Variants in IGF1R observed in about 807,000 individuals in gnomAD.
IGF1R encodes insulin-like growth factor 1 receptor.
IGF1R carries 44 observed loss-of-function variants against 144.6 expected under a neutral mutation model. The ratio of observed to expected loss-of-function variants is 0.30; its 90% CI spans 0.24 to 0.39. The LOEUF (loss-of-function observed/expected upper bound fraction) is 0.39, where lower values mean the gene tolerates loss of function less well. Ranked by LOEUF, IGF1R falls within the 10% of genes least tolerant of loss-of-function variation. The pLI is 1.00. For synonymous variants in IGF1R, 795 were observed against 722.8 expected (o/e 1.10, Z -1.60); for missense variants, 1,355 against 1,833.7 (o/e 0.74, Z 4.77).
chr15:98,692,886 C>G (rs1382638796), intron 1 of IGF1R, among the ~76,000 whole-genome samples: 1 of 152,108 alleles, frequency 6.6e-6, no homozygotes, highest in Non-Finnish European at 1.5e-5. Context: ...TAGTAGGGGC[C>G]TCAGGGTGGG....
intron 11 of IGF1R, 96 bp from the exon 12 acceptor site, chr15:98,923,780 C>A: frequency 1.0e-6 from 1 of 973,248 alleles, no homozygotes. Flanking sequence ...ACTGTCCTGC[C>A]CGTGTGGATG....
intron 2 of IGF1R, among the ~76,000 whole-genome samples, chr15:98,760,681 C>G (rs940838761): frequency 6.6e-6 from 1 of 152,220 alleles, no homozygotes; most frequent in Non-Finnish European, 1.5e-5. Context: ...GGAGGCCAGA[C>G]TGGCACCACT....
At chr15:98,675,805 C>CT (rs1179658052) in intron 1 of IGF1R, among the ~76,000 whole-genome samples, 2 of 124,556 alleles carry the variant, frequency 1.6e-5, no homozygotes, top group Middle Eastern at 3.9e-3. Flanking sequence ...AATATCTTTT[C>CT]TTTTTTTTCT....
intron 1 of IGF1R, among the ~76,000 whole-genome samples, chr15:98,700,143 C>T (rs994712318): frequency 6.6e-6 from 1 of 152,062 alleles, no homozygotes; most frequent in Admixed American, 6.5e-5. Context: ...TCTGATTTTT[C>T]AATTAGGAAT....
intron 5 of IGF1R, 51 bp downstream of exon 5, chr15:98,899,672 G>T (rs181789388): frequency 6.4e-6 from 10 of 1,572,458 alleles, no homozygotes; most frequent in Non-Finnish European, 8.7e-6. Context: ...AATAAGCAGC[G>T]TGCTTATGAA....
intron 2 of IGF1R, among the ~76,000 whole-genome samples, chr15:98,858,655 G>A (rs1347207089): frequency 6.6e-6 from 1 of 152,172 alleles, no homozygotes; most frequent in Non-Finnish European, 1.5e-5. Context: ...CCACCTTTCA[G>A]GATGCTAATA....
intron 2 of IGF1R, among the ~76,000 whole-genome samples, chr15:98,818,937 G>C (rs2056751978): frequency 2.6e-5 from 4 of 152,168 alleles, no homozygotes; most frequent in African/African-American, 9.7e-5. Flanking sequence ...TGGAGACTGG[G>C]AGAGTGAAAG....
At chr15:98,736,610 C>CTTTTT (rs1321651793) in intron 2 of IGF1R, among the ~76,000 whole-genome samples, 6 of 138,980 alleles carry the variant, frequency 4.3e-5, no homozygotes, top group Non-Finnish European at 6.4e-5. Context: ...TTTCTTTTTT[C>CTTTTT]TTTTTTCTTT....
chr15:98,945,707 C>T (rs1004367566), intron 19 of IGF1R, among the ~76,000 whole-genome samples: 4 of 152,024 alleles, frequency 2.6e-5, no homozygotes, highest in African/African-American at 9.7e-5. Context: ...AGGTCTGTCT[C>T]GAGAAGTCTG....
At chr15:98,650,165 C>T (rs1291972904) in intron 1 of IGF1R, among the ~76,000 whole-genome samples, 2 of 152,208 alleles carry the variant, frequency 1.3e-5, no homozygotes, top group African/African-American at 2.4e-5. Context: ...CGGGCAGCCG[C>T]CCGGCCCGCG....
chr15:98,762,634 A>G (rs8031797), intron 2 of IGF1R, among the ~76,000 whole-genome samples: 31,328 of 151,760 alleles, frequency 0.21, 3,705 homozygotes, highest in African/African-American at 0.32. Flanking sequence ...AGGCTGAGGC[A>G]GGAGAATTGC....
intron 20 of IGF1R, among the ~76,000 whole-genome samples, chr15:98,952,605 T>G (rs2016822762): frequency 6.6e-6 from 1 of 152,158 alleles, no homozygotes; most frequent in Admixed American, 6.5e-5. Context: ...GGTATTGTTC[T>G]GTGCTTTCTC....
At position 98,667,382 on chromosome 15, in the gene IGF1R, G is replaced by A. The variant is rs186885693; in HGVS notation, c.94+17707G>A. ...GTAAATGGACTGCCTCATTACAGAG[G>A]GGGGAGCCCTTGAAAGAAAGGGATT... On this transcript the variant is annotated intron_variant, in intron 1 of 20. Transcript: ENST00000650285. Among the ~76,000 whole-genome samples, 26 of 152,232 alleles carry A rather than the reference G, an allele frequency of 1.7e-4. 1 individual carries two copies. The highest frequency in any genetic ancestry group is 6.0e-4 in the African/African-American group (25 of 41,536).
At chr15:98,668,833 G>A (rs528975807) in intron 1 of IGF1R, among the ~76,000 whole-genome samples, 6 of 152,246 alleles carry the variant, frequency 3.9e-5, no homozygotes, top group African/African-American at 1.4e-4. Flanking sequence ...GCTGACACCA[G>A]CATCAGTGAG....
At chr15:98,810,554 CTTTTT>C (rs1289249437) in intron 2 of IGF1R, among the ~76,000 whole-genome samples, 1 of 138,712 alleles carries the variant, frequency 7.2e-6, no homozygotes. Flanking sequence ...CTTTTCTTTT[CTTTTT>C]TTTTTTTTTT....
At chr15:98,794,715 G>C (rs1457472264) in intron 2 of IGF1R, among the ~76,000 whole-genome samples, 1 of 152,160 alleles carries the variant, frequency 6.6e-6, no homozygotes, top group African/African-American at 2.4e-5. Context: ...AATCAGTAAT[G>C]AGTTTCAAAA....
intron 2 of IGF1R, among the ~76,000 whole-genome samples, chr15:98,830,048 A>G (rs530742769): frequency 1.0e-3 from 159 of 152,360 alleles, no homozygotes; most frequent in Middle Eastern, 3.4e-3. Context: ...GGAGCAGCCT[A>G]TCCACTGAAG....
At chr15:98,827,358 C>T (rs1596336339) in intron 2 of IGF1R, among the ~76,000 whole-genome samples, 1 of 152,166 alleles carries the variant, frequency 6.6e-6, no homozygotes, top group East Asian at 1.9e-4. Flanking sequence ...ATGAAGACCC[C>T]TTAGCTCAGG....
At chr15:98,691,332 G>A (rs1030755168) in intron 1 of IGF1R, among the ~76,000 whole-genome samples, 1 of 151,214 alleles carries the variant, frequency 6.6e-6, no homozygotes, top group Non-Finnish European at 1.5e-5. Flanking sequence ...TGTGCACACT[G>A]CCCCTTAATT....
Sources: gnomAD v4.1 joint callset for allele counts (sites outside exome capture counted in the v4.1 genomes callset) on GRCh38, gnomAD v4.1.1 for gene constraint, MANE v1.5 for transcripts, NCBI Gene and HGNC (gene_info 2026-07-23, HGNC 2026-07-21) for gene names.